The following KCNMA1 variants were observed in gnomAD, a reference collection of about 807,000 sequenced individuals.
KCNMA1 encodes the protein Calcium-activated potassium channel subunit alpha-1.
In KCNMA1, 29 loss-of-function variants were observed where a neutral mutation model predicts 140.0. The observed-to-expected ratio is 0.21, with a 90% CI of 0.15 to 0.28. The LOEUF (loss-of-function observed/expected upper bound fraction) is 0.28. Among genes scored for constraint, KCNMA1 ranks in the 10% least tolerant of loss-of-function variants. The probability of loss-of-function intolerance (pLI) is 1.00; values close to 1 mark genes in which losing one functional copy is unlikely to be tolerated. For synonymous variants in KCNMA1, 612 were observed against 611.9 expected, an observed-to-expected ratio of 1.00 and a Z score of 0.00; for missense variants, 880 against 1,602.2, an observed-to-expected ratio of 0.55 and a Z score of 7.70.
At chr10:77,475,059 C>T (rs2098247855) in intron 1 of KCNMA1, among the ~76,000 whole-genome samples, 1 of 152,130 alleles carries the variant, frequency 6.6e-6, no homozygotes, top group Admixed American at 6.5e-5. Context: ...TTGACTCTTT[C>T]CTGGAGCTAG....
chr10:76,905,948 G>C (rs1284102751), intron 25 of KCNMA1, among the ~76,000 whole-genome samples: 1 of 152,202 alleles, frequency 6.6e-6, no homozygotes, highest in Non-Finnish European at 1.5e-5. Flanking sequence ...TACATACAGA[G>C]CTTGTCAAGT....
chr10:77,072,960 A>G (rs2096266510), intron 14 of KCNMA1, 137 bp downstream of exon 14: 1 of 817,106 alleles, frequency 1.2e-6, no homozygotes, highest in Non-Finnish European at 2.0e-6. Context: ...TCATGCCCAA[A>G]TCCGTAACAA....
intron 1 of KCNMA1, among the ~76,000 whole-genome samples, chr10:77,589,156 A>G (rs968203198): frequency 1.3e-5 from 2 of 152,194 alleles, no homozygotes; most frequent in African/African-American, 4.8e-5. Flanking sequence ...AGTGGGTAAA[A>G]CAAACCCCTT....
intron 1 of KCNMA1, among the ~76,000 whole-genome samples, chr10:77,499,432 C>CAA (rs1254302741): frequency 7.4e-6 from 1 of 134,852 alleles, no homozygotes. Flanking sequence ...TACACACACA[C>CAA]ACATACACAC....
chr10:77,042,439 T>C (rs2094783885), intron 14 of KCNMA1, among the ~76,000 whole-genome samples: 1 of 152,218 alleles, frequency 6.6e-6, no homozygotes, highest in Admixed American at 6.5e-5. Flanking sequence ...GTTTTATTAA[T>C]GAATAGGATA....
At chr10:77,246,554 G>A (rs1033672196) in intron 3 of KCNMA1, among the ~76,000 whole-genome samples, 2 of 152,170 alleles carry the variant, frequency 1.3e-5, no homozygotes, top group African/African-American at 4.8e-5. Context: ...CTAAAGCTCT[G>A]GACATCCCCA....
Position 77,000,854 on chromosome 10 carries a change from G to T in KCNMA1, c.2266+553C>A, listed in dbSNP as rs12220262. On this transcript the variant is annotated intron_variant, in intron 19 of 27. Coordinates refer to ENST00000286628, the MANE Select transcript of KCNMA1 (RefSeq NM_001161352.2). ...ACAGGTTAGAGAGACATAGTAAAAAGAAAATATATATATATATATATATAT... is the reference window on the plus strand; with the variant it reads ...ACAGGTTAGAGAGACATAGTAAAAATAAAATATATATATATATATATATAT... 6.7e-4 allele frequency among the ~76,000 whole-genome samples: 7 copies of T among 10,506 alleles called. No individual in the cohort carries two copies. The East Asian group carries it at 0.022, about 33-fold the overall frequency. The allele number at this position is 10,506 out of a possible 152,430, so 6.9% of individuals were successfully genotyped here.
chr10:77,458,727 A>G (rs1039437114), intron 1 of KCNMA1, among the ~76,000 whole-genome samples: 5 of 152,210 alleles, frequency 3.3e-5, no homozygotes, highest in Non-Finnish European at 7.3e-5. Flanking sequence ...ACACTGCTGC[A>G]GACAACCAAG....
chr10:77,218,070 A>G (rs1331238742), intron 3 of KCNMA1, among the ~76,000 whole-genome samples: 2 of 152,134 alleles, frequency 1.3e-5, no homozygotes, highest in Non-Finnish European at 2.9e-5. Flanking sequence ...GAAGGAGATT[A>G]TTTGCGTGGG....
intron 23 of KCNMA1, among the ~76,000 whole-genome samples, chr10:76,943,371 G>A (rs1382920141): frequency 6.6e-6 from 1 of 152,184 alleles, no homozygotes; most frequent in African/African-American, 2.4e-5. Flanking sequence ...GCTTCAGGCT[G>A]TATCAGGGTG....
chr10:77,040,498 C>A (rs916731613), intron 14 of KCNMA1, among the ~76,000 whole-genome samples: 2 of 152,108 alleles, frequency 1.3e-5, no homozygotes, highest in African/African-American at 4.8e-5. Flanking sequence ...TACAGAAATT[C>A]TGTAAAAAGG....
intron 23 of KCNMA1, among the ~76,000 whole-genome samples, chr10:76,941,021 G>GAAAGA (rs2061908507): frequency 1.9e-5 from 1 of 53,118 alleles, no homozygotes; most frequent in African/African-American, 8.6e-5. Context: ...AAGGAAGGAA[G>GAAAGA]AAAGAAAGAA....
At chr10:77,490,517 T>C (rs1369829987) in intron 1 of KCNMA1, among the ~76,000 whole-genome samples, 1 of 152,208 alleles carries the variant, frequency 6.6e-6, no homozygotes, top group African/African-American at 2.4e-5. Flanking sequence ...CAGTTTTTGC[T>C]AGTTTAATAT....
chr10:76,946,614 C>T (rs545286666), intron 22 of KCNMA1, among the ~76,000 whole-genome samples: 19 of 152,302 alleles, frequency 1.2e-4, no homozygotes, highest in South Asian at 6.2e-4. Context: ...TCTGGAGCAG[C>T]GTCTTTTTGA....
chr10:77,255,912 CAAA>C (rs35233819), intron 2 of KCNMA1, among the ~76,000 whole-genome samples: 40 of 117,412 alleles, frequency 3.4e-4, no homozygotes, highest in Non-Finnish European at 3.3e-4. Context: ...GACTCCATCT[CAAA>C]AAAAAAAAAA....
intron 9 of KCNMA1, among the ~76,000 whole-genome samples, chr10:77,096,507 C>A (rs912487126): frequency 6.6e-6 from 1 of 152,192 alleles, no homozygotes; most frequent in African/African-American, 2.4e-5. Context: ...AATCCTACTG[C>A]GATCAGGTTC....
At chr10:77,104,188 T>C (rs1025454417) in intron 9 of KCNMA1, among the ~76,000 whole-genome samples, 1 of 152,334 alleles carries the variant, frequency 6.6e-6, no homozygotes, top group African/African-American at 2.4e-5. Flanking sequence ...CAAATATTTG[T>C]AGGTATTACT....
chr10:76,886,559 C>T lies in KCNMA1; in HGVS notation c.*707G>A. 1.0e-6 allele frequency: 1 copy of T among 986,126 alleles called. No homozygotes were observed. The allele number at this position is 986,126 out of a possible 1,614,324, so 61.1% of individuals were successfully genotyped here. A position where few individuals can be genotyped will look rare whatever the true frequency, so the allele number is the denominator to read the frequency against. On this transcript the variant is annotated 3_prime_UTR_variant, in exon 28 of 28. Transcript: ENST00000286628. ...ATACATCCATGATTGGAATACTATT[C>T]TCTCCTCCATATTAAGGTGAGAAAT...
intron 1 of KCNMA1, among the ~76,000 whole-genome samples, chr10:77,568,082 G>A (rs1206919089): frequency 1.3e-5 from 2 of 152,192 alleles, no homozygotes; most frequent in East Asian, 3.9e-4. Context: ...TGAAATTGTG[G>A]CAATAATCAA....
Sources: gnomAD v4.1 joint callset for allele counts (sites outside exome capture counted in the v4.1 genomes callset) on GRCh38, gnomAD v4.1.1 for gene constraint, MANE v1.5 for transcripts, NCBI Gene and HGNC (gene_info 2026-07-23, HGNC 2026-07-21) for gene names.